ZNF385D: variants seen among roughly 807,000 people sequenced by gnomAD.
ZNF385D encodes the protein zinc finger protein 659.
A neutral mutation model predicts 35.8 loss-of-function variants in ZNF385D; 15 were observed. The ratio of observed to expected loss-of-function variants is 0.42; its 90% CI spans 0.28 to 0.64. ZNF385D has a LOEUF of 0.64. ZNF385D is among the 30% of genes least tolerant of loss of function. The pLI is 0.23. For synonymous variants in ZNF385D, 212 were observed against 186.8 expected, an observed-to-expected ratio of 1.13 and a Z score of -1.10; for missense variants, 474 against 494.6, an observed-to-expected ratio of 0.96 and a Z score of 0.39.
At chr3:22,362,991 T>G (rs1454279442) in intron 2 of ZNF385D, among the ~76,000 whole-genome samples, 1 of 152,180 alleles carries the variant, frequency 6.6e-6, no homozygotes, top group Non-Finnish European at 1.5e-5. Context: ...AGATTACTGA[T>G]GTTCTACGAG....
At chr3:22,019,067 T>TA (rs1697069781) in intron 3 of ZNF385D, among the ~76,000 whole-genome samples, 1 of 125,266 alleles carries the variant, frequency 8.0e-6, no homozygotes, top group Non-Finnish European at 1.7e-5. Context: ...TTTTTTTTTT[T>TA]ATGAAGGAGG....
intron 3 of ZNF385D, among the ~76,000 whole-genome samples, chr3:21,812,126 T>C (rs1373244314): frequency 2.0e-5 from 3 of 152,222 alleles, no homozygotes; most frequent in Non-Finnish European, 1.5e-5. Context: ...ATTCAGAACA[T>C]GGAATATTCT....
intron 1 of ZNF385D, among the ~76,000 whole-genome samples, chr3:21,674,700 G>C (rs990478523): frequency 6.6e-6 from 1 of 152,082 alleles, no homozygotes; most frequent in East Asian, 1.9e-4. Context: ...TCTGTAGAAA[G>C]ATCACTCCCT....
chr3:22,198,247 TTAAAGA>T (rs1696551941), intron 2 of ZNF385D, among the ~76,000 whole-genome samples: 2 of 152,090 alleles, frequency 1.3e-5, no homozygotes, highest in African/African-American at 4.8e-5. Flanking sequence ...AAGATTAAGT[TTAAAGA>T]TAAAGATTGT....
chr3:22,245,162 A>G (rs1289414976), intron 2 of ZNF385D, among the ~76,000 whole-genome samples: 1 of 152,170 alleles, frequency 6.6e-6, no homozygotes, highest in Non-Finnish European at 1.5e-5. Context: ...AACAATAAAT[A>G]GATTATTAAT....
chr3:21,974,825 C>T (rs1703490941), intron 3 of ZNF385D, among the ~76,000 whole-genome samples: 1 of 152,130 alleles, frequency 6.6e-6, no homozygotes, highest in African/African-American at 2.4e-5. Flanking sequence ...GTGTGCACAA[C>T]ATCACTGATC....
chr3:21,748,689 G>A (rs1010560209), intron 1 of ZNF385D, among the ~76,000 whole-genome samples: 1 of 152,048 alleles, frequency 6.6e-6, no homozygotes, highest in Non-Finnish European at 1.5e-5. Context: ...AGAAAGTAAT[G>A]GCCAACCAAT....
chr3:21,976,110 C>G (rs1703607059), intron 3 of ZNF385D, among the ~76,000 whole-genome samples: 1 of 152,126 alleles, frequency 6.6e-6, no homozygotes, highest in Non-Finnish European at 1.5e-5. Flanking sequence ...CTGAACCTTA[C>G]TGAAGCTGCA....
Position 21,911,934 on chromosome 3 carries a change from T to C in ZNF385D, c.326-246906A>G, listed in dbSNP as rs1699982766. Among the ~76,000 whole-genome samples the C allele has an allele frequency of 2.6e-5, 4 of 151,954 alleles. No homozygotes were observed. In the South Asian group the frequency reaches 8.3e-4, roughly 32 times the overall value. On this transcript the variant is annotated intron_variant, in intron 3 of 5. Transcript: ENST00000494108. Reference sequence around the variant, plus strand: ...GTAAGCATATATTAATATATCAAACTAAAAATAAGCTTAAGAGTGATCTAG... The same window carrying C: ...GTAAGCATATATTAATATATCAAACCAAAAATAAGCTTAAGAGTGATCTAG...
chr3:21,724,386 T>C (rs1374916764), intron 1 of ZNF385D, among the ~76,000 whole-genome samples: 3 of 149,304 alleles, frequency 2.0e-5, no homozygotes, highest in Non-Finnish European at 4.4e-5. Context: ...CCCATCAATG[T>C]GCTGTATTCA....
chr3:21,473,133 C>T (rs184454531), intron 4 of ZNF385D, among the ~76,000 whole-genome samples: 88 of 152,146 alleles, frequency 5.8e-4, no homozygotes, highest in African/African-American at 2.0e-3. Flanking sequence ...AAGCTAACTC[C>T]TACTTAATCC....
At chr3:22,207,842 TG>T (rs1234738654) in intron 2 of ZNF385D, among the ~76,000 whole-genome samples, 7 of 151,918 alleles carry the variant, frequency 4.6e-5, no homozygotes, top group Non-Finnish European at 1.0e-4. Flanking sequence ...CCCATATCAT[TG>T]ATCATCAGAG....
chr3:22,179,705 G>A (rs1200939720), intron 2 of ZNF385D, among the ~76,000 whole-genome samples: 5 of 151,940 alleles, frequency 3.3e-5, no homozygotes, highest in African/African-American at 4.8e-5. Context: ...CCCATTCAAT[G>A]AAGGCAGAAA....
chr3:21,654,073 A>G (rs1186558873), intron 2 of ZNF385D, among the ~76,000 whole-genome samples: 1 of 151,942 alleles, frequency 6.6e-6, no homozygotes, highest in Admixed American at 6.6e-5. Context: ...GTACAACTGG[A>G]CTGTCATTTC....
chr3:21,996,997 A>C (rs941450616), intron 3 of ZNF385D, among the ~76,000 whole-genome samples: 3 of 152,182 alleles, frequency 2.0e-5, no homozygotes, highest in Non-Finnish European at 4.4e-5. Flanking sequence ...GAGAGATTAA[A>C]CCAATGTTAT....
Position 21,745,464 on chromosome 3 carries a change from A to G in ZNF385D, c.22+5431T>C, listed in dbSNP as rs555448096. ...CAGGGCTGACTTCCAGCTGCTTCAT[A>G]ACGATTTTAACGCTGCGACAGAGCA... On this transcript the variant is annotated intron_variant, in intron 1 of 7. Transcript: ENST00000281523. 1.6e-3 allele frequency among the ~76,000 whole-genome samples: 246 copies of G among 152,280 alleles called. 1 individual carries two copies. Among genetic ancestry groups the G allele is most frequent in the African/African-American group, 5.7e-3 (238 of 41,566 alleles).
At chr3:22,291,704 T>C (rs1018175068) in intron 2 of ZNF385D, among the ~76,000 whole-genome samples, 1 of 152,044 alleles carries the variant, frequency 6.6e-6, no homozygotes, top group African/African-American at 2.4e-5. Flanking sequence ...TTGTGTATAT[T>C]TGTTCTTTTC....
At chr3:21,706,344 T>C (rs1226315391) in intron 1 of ZNF385D, among the ~76,000 whole-genome samples, 1 of 152,136 alleles carries the variant, frequency 6.6e-6, no homozygotes, top group Non-Finnish European at 1.5e-5. Flanking sequence ...CAATCAACTT[T>C]TGACAGCTCA....
chr3:22,199,160 A>G (rs547266259), intron 2 of ZNF385D, among the ~76,000 whole-genome samples: 1 of 152,056 alleles, frequency 6.6e-6, no homozygotes, highest in African/African-American at 2.4e-5. Flanking sequence ...TCATCTCCAC[A>G]TTGTTTTTGC....
Sources: allele counts gnomAD v4.1 joint callset (sites outside exome capture counted in the v4.1 genomes callset), GRCh38; gene constraint gnomAD v4.1.1; transcripts MANE v1.5; gene names NCBI Gene and HGNC (gene_info 2026-07-23, HGNC 2026-07-21).